The following FRMD4B variants were observed in gnomAD, a reference collection of about 807,000 sequenced individuals.
FRMD4B encodes FERM domain containing 4B.
FRMD4B carries 74 observed loss-of-function variants against 141.5 expected under a neutral mutation model. The ratio of observed to expected loss-of-function variants is 0.52; its 90% CI spans 0.43 to 0.63. The LOEUF (loss-of-function observed/expected upper bound fraction) is 0.63, where lower values mean the gene tolerates loss of function less well. Ranked by LOEUF, FRMD4B falls within the 30% of genes least tolerant of loss-of-function variation. The probability of loss-of-function intolerance (pLI) is 0.00; values close to 1 mark genes in which losing one functional copy is unlikely to be tolerated. For missense variants in FRMD4B, 1,366 were observed against 1,253.4 expected (o/e 1.09, Z -1.36); for synonymous variants, 506 against 467.9 (o/e 1.08, Z -1.05).
intron 1 of FRMD4B, among the ~76,000 whole-genome samples, chr3:69,528,445 G>A (rs1700964084): frequency 2.0e-5 from 3 of 151,688 alleles, no homozygotes; most frequent in African/African-American, 7.3e-5. Flanking sequence ...GCTTACTGCA[G>A]CCTTGACTTT....
intron 11 of FRMD4B, 121 bp downstream of exon 11, chr3:69,216,142 A>G: frequency 1.8e-6 from 1 of 548,294 alleles, no homozygotes; most frequent in East Asian, 3.4e-5. Context: ...CGACAAAGTG[A>G]GACTCCATCT....
intron 1 of FRMD4B, among the ~76,000 whole-genome samples, chr3:69,459,974 A>C (rs1705685824): frequency 6.6e-6 from 1 of 152,230 alleles, no homozygotes; most frequent in African/African-American, 2.4e-5. Context: ...AAGACAGACT[A>C]AATGCCCAGT....
intron 1 of FRMD4B, among the ~76,000 whole-genome samples, chr3:69,525,501 A>G (rs1700918201): frequency 6.6e-6 from 1 of 152,218 alleles, no homozygotes; most frequent in Non-Finnish European, 1.5e-5. Flanking sequence ...CATAATCAAC[A>G]CATGCAGATC....
intron 1 of FRMD4B, among the ~76,000 whole-genome samples, chr3:69,376,656 T>C (rs780067806): frequency 7.9e-5 from 12 of 152,204 alleles, no homozygotes; most frequent in Non-Finnish European, 1.5e-4. Context: ...AAAAGTTTAT[T>C]TCAAGGATGC....
chr3:69,541,231 C>T (rs534144861), intron 1 of FRMD4B: 1 of 152,298 alleles, frequency 6.6e-6, no homozygotes, highest in South Asian at 2.1e-4. Flanking sequence ...CCCGAAAGGC[C>T]CAGCCTCTAG....
At chr3:69,321,645 T>C (rs1311417527) in intron 1 of FRMD4B, among the ~76,000 whole-genome samples, 2 of 152,160 alleles carry the variant, frequency 1.3e-5, no homozygotes, top group African/African-American at 4.8e-5. Context: ...GGTATATAAA[T>C]ATCTGCTGAG....
intron 1 of FRMD4B, among the ~76,000 whole-genome samples, chr3:69,510,005 G>T (rs62252349): frequency 1.3e-5 from 2 of 150,984 alleles, no homozygotes; most frequent in African/African-American, 4.9e-5. Flanking sequence ...ATCATGTGAC[G>T]TGCTTGATTG....
rs113009670 is a variant in FRMD4B, at chr3:69,220,966, CT to C, written c.731+891del. Among the ~76,000 whole-genome samples, 609 of 144,982 alleles carry C rather than the reference CT, an allele frequency of 4.2e-3. 4 individuals are homozygous for C. The highest frequency in any genetic ancestry group is 9.2e-3 in the African/African-American group (366 of 39,732). ...TAATTTTAAAAGTTTAGTGTAGCAA[CT>C]TTTTTTTTTTTTTGAGACAGAGTTT... On this transcript the variant is annotated intron_variant, in intron 9 of 22. Coordinates refer to ENST00000398540, the MANE Select transcript of FRMD4B (RefSeq NM_015123.3).
At chr3:69,219,606 G>A (rs1227259202) in intron 9 of FRMD4B, among the ~76,000 whole-genome samples, 2 of 151,734 alleles carry the variant, frequency 1.3e-5, no homozygotes, top group African/African-American at 4.9e-5. Flanking sequence ...TTAAGCATGG[G>A]TACTTTTTTT....
intron 7 of FRMD4B, among the ~76,000 whole-genome samples, chr3:69,244,249 G>A (rs914977666): frequency 6.6e-6 from 1 of 152,124 alleles, no homozygotes; most frequent in South Asian, 2.1e-4. Context: ...ATGCAAGAGA[G>A]AATGGAGCTG....
At chr3:69,258,997 G>A (rs796583661) in intron 5 of FRMD4B, among the ~76,000 whole-genome samples, 1 of 152,084 alleles carries the variant, frequency 6.6e-6, no homozygotes, top group Non-Finnish European at 1.5e-5. Context: ...GGATGGTTTC[G>A]GGATAATTCA....
intron 5 of FRMD4B, among the ~76,000 whole-genome samples, chr3:69,265,691 C>T (rs1021592740): frequency 6.6e-6 from 1 of 151,882 alleles, no homozygotes; most frequent in African/African-American, 2.4e-5. Flanking sequence ...TCGTGATCCA[C>T]CCACCTTGGC....
At chr3:69,204,757 C>A (rs986325768) in intron 11 of FRMD4B, among the ~76,000 whole-genome samples, 4 of 152,100 alleles carry the variant, frequency 2.6e-5, no homozygotes, top group Non-Finnish European at 5.9e-5. Context: ...CAGTTAACAC[C>A]AACAGTGCCA....
At chr3:69,363,929 T>C (rs1005639212) in intron 1 of FRMD4B, among the ~76,000 whole-genome samples, 3 of 152,194 alleles carry the variant, frequency 2.0e-5, no homozygotes, top group African/African-American at 7.2e-5. Flanking sequence ...GAGCAGCTTC[T>C]TCCATTTACT....
intron 5 of FRMD4B, 125 bp downstream of exon 5, chr3:69,287,627 A>G (rs1285844627): frequency 1.5e-6 from 1 of 659,468 alleles, no homozygotes; most frequent in Non-Finnish European, 2.7e-6. Context: ...GGACATATTC[A>G]TGGAAAAGAT....
At position 69,181,018 on chromosome 3, in the gene FRMD4B, T is replaced by C. The variant is rs769852415; in HGVS notation, c.2732A>G (p.Asp911Gly). ...GCTGGTCTGCGGGCTGTGTCCCTGA[T>C]CCTTCTGCCCAGAGGCCCGCTGGTA... The part of the protein sequence containing the change: ...GWYQRASGQK[D>G]QGHSPQTSFD... The change falls in exon 21 of 23, where the codon GAT becomes GGT. Residue 911 changes from aspartate (D) to glycine (G), a missense_variant. Coordinates refer to ENST00000398540, the MANE Select transcript of FRMD4B (RefSeq NM_015123.3). 3 of 1,614,028 alleles carry C rather than the reference T, an allele frequency of 1.9e-6. No individual in the cohort carries two copies. Among genetic ancestry groups the C allele is most frequent in the Non-Finnish European group, 2.5e-6 (3 of 1,179,888 alleles).
At chr3:69,465,004 G>A (rs1440403631) in intron 1 of FRMD4B, among the ~76,000 whole-genome samples, 1 of 152,162 alleles carries the variant, frequency 6.6e-6, no homozygotes, top group Non-Finnish European at 1.5e-5. Flanking sequence ...CCCAAAAGCT[G>A]ATGTTATTTG....
In FRMD4B at chr3:69,195,827, T is replaced by A. The variant is rs111862550; in HGVS notation, c.1234+428A>T. ...TCATTTTAGTAAAGTTACATATACT[T>A]AATGATAAGGGATTCCAGAATTTTT... On this transcript the variant is annotated intron_variant, in intron 14 of 22. Transcript: ENST00000398540. 2.0e-3 allele frequency among the ~76,000 whole-genome samples: 306 copies of A among 152,326 alleles called. 2 individuals carry two copies. The highest frequency in any genetic ancestry group is 7.0e-3 in the African/African-American group (290 of 41,570).
chr3:69,283,031 T>C (rs895225504), intron 5 of FRMD4B, among the ~76,000 whole-genome samples: 2 of 152,116 alleles, frequency 1.3e-5, no homozygotes, highest in African/African-American at 4.8e-5. Context: ...TGCCTTACAA[T>C]ATTATGTTCT....
Sources: allele counts gnomAD v4.1 joint callset (sites outside exome capture counted in the v4.1 genomes callset), GRCh38; gene constraint gnomAD v4.1.1; transcripts MANE v1.5; gene names NCBI Gene and HGNC (gene_info 2026-07-23, HGNC 2026-07-21).